The following MAST4 variants were observed in gnomAD, a reference collection of about 807,000 sequenced individuals.
MAST4 encodes the protein microtubule-associated serine/threonine-protein kinase 4.
In MAST4, 89 loss-of-function variants were observed where a neutral mutation model predicts 162.7. That is an observed-to-expected ratio of 0.55 (90% CI 0.46 to 0.65). MAST4 has a LOEUF of 0.65. Among genes scored for constraint, MAST4 ranks in the 30% least tolerant of loss-of-function variants. MAST4 has a pLI of 0.00. For missense variants in MAST4, 3,153 were observed against 3,374.0 expected, an observed-to-expected ratio of 0.93 and a Z score of 1.62; for synonymous variants, 1,479 against 1,361.1, an observed-to-expected ratio of 1.09 and a Z score of -1.91.
intron 1 of MAST4, among the ~76,000 whole-genome samples, chr5:66,639,129 T>C (rs1445666452): frequency 6.6e-6 from 1 of 151,800 alleles, no homozygotes; most frequent in Non-Finnish European, 1.5e-5. Flanking sequence ...CTCTAATTGG[T>C]AGGGGTTTGG....
At chr5:67,106,581 C>T (rs539265677) in intron 10 of MAST4, among the ~76,000 whole-genome samples, 2 of 152,292 alleles carry the variant, frequency 1.3e-5, no homozygotes, top group Admixed American at 6.5e-5. Flanking sequence ...TCATCCAGCT[C>T]AGACCCTCAT....
At chr5:66,842,669 GC>G (rs949446920) in intron 3 of MAST4, among the ~76,000 whole-genome samples, 2 of 152,132 alleles carry the variant, frequency 1.3e-5, no homozygotes, top group African/African-American at 4.8e-5. Context: ...ACTTCTGGGT[GC>G]CACTCTCTCT....
rs985996626 is a variant in MAST4, at chr5:67,169,124, G to A, written c.*2073G>A. On this transcript the variant is annotated 3_prime_UTR_variant, in exon 29 of 29. Coordinates refer to ENST00000403625, the MANE Select transcript of MAST4 (RefSeq NM_001164664.2). ...ATCCTACATTCAGCCATCGGGACAAGTCTGTCGGGGAGGTAGTTCATGGTT... is the reference window on the plus strand; with the variant it reads ...ATCCTACATTCAGCCATCGGGACAAATCTGTCGGGGAGGTAGTTCATGGTT... The A allele has an allele frequency of 2.6e-5, 4 of 152,174 alleles. No individual in the cohort carries two copies. The highest frequency in any genetic ancestry group is 9.7e-5 in the African/African-American group (4 of 41,436). 9.4% of individuals were successfully genotyped at this position (152,174 alleles called of 1,614,324 possible).
intron 4 of MAST4, among the ~76,000 whole-genome samples, chr5:66,991,664 C>T (rs1401461796): frequency 1.3e-5 from 2 of 152,110 alleles, no homozygotes; most frequent in Non-Finnish European, 2.9e-5. Flanking sequence ...ATGATTTTTG[C>T]AGTAATGTTT....
At chr5:66,778,081 C>A (rs1488735544) in intron 2 of MAST4, among the ~76,000 whole-genome samples, 1 of 152,128 alleles carries the variant, frequency 6.6e-6, no homozygotes, top group Non-Finnish European at 1.5e-5. Context: ...GACACCACCA[C>A]CACCCACTTC....
At chr5:66,689,066 C>T (rs1170554439) in intron 1 of MAST4, among the ~76,000 whole-genome samples, 1 of 151,970 alleles carries the variant, frequency 6.6e-6, no homozygotes, top group Non-Finnish European at 1.5e-5. Context: ...CAGAGGGTCT[C>T]TTGGTAACAA....
chr5:66,775,477 A>G (rs1028859226), intron 2 of MAST4, among the ~76,000 whole-genome samples: 1 of 152,196 alleles, frequency 6.6e-6, no homozygotes, highest in Non-Finnish European at 1.5e-5. Context: ...CCAGAAATGG[A>G]AAGGATGAAT....
intron 1 of MAST4, chr5:66,662,819 A>C (rs771423308): frequency 2.0e-5 from 3 of 149,548 alleles, no homozygotes; most frequent in African/African-American, 7.4e-5. Context: ...AGATATGAAG[A>C]TATTTAGTGA....
At chr5:66,726,805 G>A (rs182414390) in intron 1 of MAST4, among the ~76,000 whole-genome samples, 4 of 152,136 alleles carry the variant, frequency 2.6e-5, no homozygotes, top group African/African-American at 9.6e-5. Flanking sequence ...CGCATACGAG[G>A]GATCTAGGTT....
At chr5:67,019,548 G>A (rs1028620726) in intron 4 of MAST4, among the ~76,000 whole-genome samples, 2 of 152,184 alleles carry the variant, frequency 1.3e-5, no homozygotes, top group Non-Finnish European at 2.9e-5. Context: ...GTGTAGAAAT[G>A]TTTTTTCTCC....
intron 4 of MAST4, among the ~76,000 whole-genome samples, chr5:66,919,918 TTCCTTCCTTCC>T (rs1561446034): frequency 4.7e-5 from 1 of 21,498 alleles, no homozygotes; most frequent in East Asian, 6.6e-4. Context: ...CCTTCCTTCC[TTCCTTCCTTCC>T]TTCCTTCCTT....
At chr5:66,653,286 G>A (rs1383428137) in intron 1 of MAST4, among the ~76,000 whole-genome samples, 1 of 152,108 alleles carries the variant, frequency 6.6e-6, no homozygotes, top group Non-Finnish European at 1.5e-5. Context: ...TACTGACCAA[G>A]AGGTGGCAGT....
At chr5:66,968,591 T>C (rs1220052738) in intron 4 of MAST4, among the ~76,000 whole-genome samples, 1 of 152,158 alleles carries the variant, frequency 6.6e-6, no homozygotes, top group Admixed American at 6.5e-5. Context: ...AGAGGCCCCA[T>C]AAATATATAT....
chr5:66,695,929 A>G (rs1443556225), intron 1 of MAST4, among the ~76,000 whole-genome samples: 2 of 152,198 alleles, frequency 1.3e-5, no homozygotes, highest in African/African-American at 4.8e-5. Context: ...ACTATTCACA[A>G]TAGCAAAGAC....
At chr5:66,696,607 A>G (rs1749418945) in intron 1 of MAST4, among the ~76,000 whole-genome samples, 1 of 151,998 alleles carries the variant, frequency 6.6e-6, no homozygotes, top group Admixed American at 6.5e-5. Flanking sequence ...TCTTCCCCCA[A>G]CTTCAGCTGC....
At position 67,134,652 on chromosome 5, in the gene MAST4, G is replaced by C; in HGVS notation, c.2356G>C (p.Asp786His). Residue 786 changes from aspartate (D) to histidine (H), a missense_variant, in exon 18 of 29, where the codon GAT (aspartate) becomes CAT (histidine). This residue lies in a region of MAST4 where 131 missense variants were observed against 253.8 expected (regional missense o/e 0.52). Coordinates refer to ENST00000403625, the MANE Select transcript of MAST4 (RefSeq NM_001164664.2). ...GGTTGGATGCGTGCCATTCTTTGGG[G>C]ATACTCCAGAGGAGCTATTTGGACA... ...FLVGCVPFFG[D>H]TPEELFGQVI... 1 of 1,613,662 alleles carries C rather than the reference G, an allele frequency of 6.2e-7. No homozygotes were observed. The highest frequency in any genetic ancestry group is 1.1e-5 in the South Asian group (1 of 91,046).
At chr5:67,162,573 G>A in intron 27 of MAST4, 34 bp from the exon 28 acceptor site, 1 of 1,606,920 alleles carries the variant, frequency 6.2e-7, no homozygotes, top group Non-Finnish European at 8.5e-7. Context: ...AGTTCTGAAA[G>A]AAGACTGAAC....
intron 8 of MAST4, among the ~76,000 whole-genome samples, chr5:67,101,531 C>T (rs974547557): frequency 2.6e-5 from 4 of 152,204 alleles, no homozygotes; most frequent in African/African-American, 7.2e-5. Context: ...ATCACTTATC[C>T]GCTGCAGTAT....
chr5:66,867,158 G>C (rs952732899), intron 3 of MAST4, among the ~76,000 whole-genome samples: 1 of 152,146 alleles, frequency 6.6e-6, no homozygotes, highest in Non-Finnish European at 1.5e-5. Flanking sequence ...GGCTAGAAAT[G>C]CCTAATGACA....
Sources: gnomAD v4.1 joint callset for allele counts (sites outside exome capture counted in the v4.1 genomes callset) on GRCh38, gnomAD v4.1.1 for gene constraint, gnomAD v4.1.1 regional missense constraint, MANE v1.5 for transcripts, NCBI Gene and HGNC (gene_info 2026-07-23, HGNC 2026-07-21) for gene names.